KCNN3: variants seen among roughly 807,000 people sequenced by gnomAD.
The protein encoded by KCNN3 is potassium calcium-activated channel subfamily N member 3.
KCNN3 carries 16 observed loss-of-function variants against 62.9 expected under a neutral mutation model. The observed-to-expected ratio is 0.25, with a 90% CI of 0.17 to 0.39. The LOEUF is 0.39. KCNN3 is among the 10% of genes least tolerant of loss of function. KCNN3 has a pLI of 1.00. For missense variants in KCNN3, 599 were observed against 949.4 expected (o/e 0.63, Z 4.85); for synonymous variants, 370 against 389.2 (o/e 0.95, Z 0.58).
chr1:154,869,713 G>A lies in KCNN3; in HGVS notation c.252C>T (p.Pro84=). 1.3e-6 allele frequency: 1 copy of A among 794,370 alleles called. No homozygotes were observed. The highest frequency in any genetic ancestry group is 1.9e-5 in the South Asian group (1 of 53,020). The allele number at this position is 794,370 out of a possible 1,614,324, so 49.2% of individuals were successfully genotyped here. Residue 84 remains proline (P), a synonymous_variant, in exon 1 of 8, where the codon CCC becomes CCT. Transcript: ENST00000271915. The surrounding 1 kb of genome is among the most constrained non-coding windows in gnomAD (Gnocchi z 6.1). ...TCTGGAGTTGGGCGAGCTGAGACAG[G>A]GGATGCGGTGGCTGCTGCTGCTGCT... is the stretch of plus-strand genomic sequence containing the variant. ...QQQQQQQPPH[P]LSQLAQLQSQ... is the part of the protein sequence containing the mutation.
chr1:154,760,834 G>A lies in KCNN3; in HGVS notation c.1448+11141C>T, dbSNP rs904540758. Among the ~76,000 whole-genome samples the A allele has an allele frequency of 2.1e-5, 3 of 139,568 alleles. No homozygotes were observed. In the South Asian group the frequency reaches 6.5e-4, roughly 30 times the overall value. The allele number at this position is 139,568 out of a possible 152,430, so 91.6% of individuals were successfully genotyped here. A position where few individuals can be genotyped will look rare whatever the true frequency, so the allele number is the denominator to read the frequency against. On this transcript the variant is annotated intron_variant, in intron 3 of 7. Coordinates refer to ENST00000271915, the MANE Select transcript of KCNN3 (RefSeq NM_002249.6). ...CCCATAAGCGGCCGGCCGCAGAGGG[G>A]CTCCAAGGGAGGCGCGCGCCCGCGA...
chr1:154,836,615 C>T (rs763542589), intron 1 of KCNN3, among the ~76,000 whole-genome samples: 7 of 152,212 alleles, frequency 4.6e-5, no homozygotes, highest in Admixed American at 1.3e-4. Flanking sequence ...AAGTTTGCTG[C>T]GTCTTTTCTT....
Position 154,702,210 on chromosome 1 carries a change from CA to C in KCNN3, c.*5765del, listed in dbSNP as rs1337655920. 2.6e-5 allele frequency: 4 copies of C among 152,022 alleles called. No individual in the cohort carries two copies. The highest frequency in any genetic ancestry group is 9.7e-5 in the African/African-American group (4 of 41,384). 9.4% of individuals were successfully genotyped at this position (152,022 alleles called of 1,614,324 possible). On this transcript the variant is annotated 3_prime_UTR_variant, in exon 8 of 8. Transcript: ENST00000271915. ...TTTCTGGGTGCCCGGCAATCACTAA[CA>C]GTGATGTGTACTCAGAAACAGTCAT...
At chr1:154,725,039 T>C (rs1026163384) in intron 5 of KCNN3, among the ~76,000 whole-genome samples, 3 of 152,090 alleles carry the variant, frequency 2.0e-5, no homozygotes, top group African/African-American at 7.2e-5. Context: ...GTATTTTTAG[T>C]AGAGACGGGG....
At chr1:154,781,570 A>G (rs895607546) in intron 2 of KCNN3, among the ~76,000 whole-genome samples, 9 of 152,212 alleles carry the variant, frequency 5.9e-5, no homozygotes, top group Non-Finnish European at 1.2e-4. Context: ...AGTGGACCCC[A>G]TGCTCTCCAT....
intron 7 of KCNN3, among the ~76,000 whole-genome samples, chr1:154,708,554 G>A (rs1365964456): frequency 6.6e-6 from 1 of 151,144 alleles, no homozygotes; most frequent in South Asian, 2.1e-4. Context: ...CTTAAATAAA[G>A]TGAGTCTCTA....
At chr1:154,722,441 G>T (rs1315878358) in intron 5 of KCNN3, among the ~76,000 whole-genome samples, 1 of 146,846 alleles carries the variant, frequency 6.8e-6, no homozygotes, top group African/African-American at 2.5e-5. Context: ...AGGCTGGAGT[G>T]CAGTGGCACG....
At chr1:154,857,878 G>A (rs762720475) in intron 1 of KCNN3, among the ~76,000 whole-genome samples, 3 of 152,084 alleles carry the variant, frequency 2.0e-5, no homozygotes, top group Non-Finnish European at 4.4e-5. Context: ...AATAAGACCC[G>A]GTGTTGCTTT....
intron 1 of KCNN3, among the ~76,000 whole-genome samples, chr1:154,853,063 C>T (rs1652367778): frequency 6.6e-6 from 1 of 152,174 alleles, no homozygotes; most frequent in Non-Finnish European, 1.5e-5. Context: ...AATCACAGCT[C>T]ACTGCATCCT....
chr1:154,846,116 T>A (rs963877493), intron 1 of KCNN3, among the ~76,000 whole-genome samples: 8 of 152,156 alleles, frequency 5.3e-5, no homozygotes, highest in African/African-American at 1.7e-4. Flanking sequence ...CTGGAACCCA[T>A]CAGCGCTGGC....
chr1:154,786,095 C>T (rs1280601577), intron 2 of KCNN3, among the ~76,000 whole-genome samples: 5 of 152,150 alleles, frequency 3.3e-5, no homozygotes, highest in African/African-American at 1.2e-4. Flanking sequence ...CATTCCTGTC[C>T]ACCTGCTTGT....
rs185342635 is a variant in KCNN3, at chr1:154,848,101, C to A, written c.933+20931G>T. 9.7e-4 allele frequency among the ~76,000 whole-genome samples: 148 copies of A among 152,310 alleles called. 1 individual carries two copies. Among genetic ancestry groups the A allele is most frequent in the Middle Eastern group, 3.4e-3 (1 of 294 alleles). ...TGAGTTCCAGAAGGAGGCCTCCCCC[C>A]CTCCCCAGCCAGAGTGGCTGGTGCC... is the stretch of plus-strand genomic sequence containing the variant. On this transcript the variant is annotated intron_variant, in intron 1 of 7. Coordinates refer to ENST00000271915, the MANE Select transcript of KCNN3 (RefSeq NM_002249.6).
chr1:154,807,241 G>T (rs2101879774), intron 2 of KCNN3, among the ~76,000 whole-genome samples: 1 of 152,232 alleles, frequency 6.6e-6, no homozygotes, highest in South Asian at 2.1e-4. Flanking sequence ...TGAGCGCAGG[G>T]TCAAAGAGGA....
intron 1 of KCNN3, among the ~76,000 whole-genome samples, chr1:154,838,143 G>A (rs750822335): frequency 6.6e-5 from 10 of 152,126 alleles, no homozygotes; most frequent in Non-Finnish European, 1.5e-4. Context: ...AGAGTGTGGG[G>A]GCCAAACAGG....
intron 2 of KCNN3, among the ~76,000 whole-genome samples, chr1:154,783,160 T>C (rs6426934): frequency 0.74 from 111,532 of 150,096 alleles, 41,765 homozygotes; most frequent in East Asian, 0.79. Context: ...TTGCAGTGAG[T>C]CGAGATCGCA....
At chr1:154,793,291 C>T (rs1649593946) in intron 2 of KCNN3, among the ~76,000 whole-genome samples, 1 of 152,190 alleles carries the variant, frequency 6.6e-6, no homozygotes, top group Admixed American at 6.5e-5. Flanking sequence ...AGCTTGTGCA[C>T]CACCCCTCCT....
chr1:154,854,748 C>T (rs185773706), intron 1 of KCNN3, among the ~76,000 whole-genome samples: 65 of 152,162 alleles, frequency 4.3e-4, no homozygotes, highest in African/African-American at 1.4e-3. Context: ...CCCAGGCTAA[C>T]GTGTGTTTGT....
intron 2 of KCNN3, 48 bp downstream of exon 2, chr1:154,822,041 G>A (rs780004497): frequency 1.2e-5 from 18 of 1,442,210 alleles, no homozygotes; most frequent in Non-Finnish European, 1.8e-5. Context: ...CTCAGAGCAA[G>A]GCCAAAGGAT....
intron 2 of KCNN3, among the ~76,000 whole-genome samples, chr1:154,775,622 G>A (rs1012202688): frequency 8.9e-5 from 12 of 135,356 alleles, no homozygotes; most frequent in Non-Finnish European, 1.5e-4. Context: ...CACTATGGGA[G>A]CAACTGGCTG....
Sources: allele counts gnomAD v4.1 joint callset (sites outside exome capture counted in the v4.1 genomes callset), GRCh38; gene constraint gnomAD v4.1.1; non-coding constraint Gnocchi (gnomAD v3.1); transcripts MANE v1.5; gene names NCBI Gene and HGNC (gene_info 2026-07-23, HGNC 2026-07-21).